Variants in ZNF556 observed in about 807,000 individuals in gnomAD.
ZNF556 encodes zinc finger protein 556.
A neutral mutation model predicts 13.6 loss-of-function variants in ZNF556; 11 were observed. The ratio of observed to expected loss-of-function variants is 0.81; its 90% CI spans 0.51 to 1.33. ZNF556 has a LOEUF of 1.33. Among genes scored for constraint, ZNF556 ranks in the 40% most tolerant of loss-of-function variants. The pLI is 0.00. For missense variants in ZNF556, 633 were observed against 566.2 expected (o/e 1.12, Z -1.20); for synonymous variants, 229 against 207.8 (o/e 1.10, Z -0.88).
chr19:2,874,789 G>C (rs10424456), intron 2 of ZNF556, among the ~76,000 whole-genome samples: 1,547 of 141,572 alleles, frequency 0.011, 29 homozygotes, highest in African/African-American at 0.037. Flanking sequence ...AAAAAGAAAA[G>C]ACTTAGGGTC....
chr19:2,867,470 G>T (rs1435702923), intron 1 of ZNF556, 46 bp downstream of exon 1: 1 of 1,571,386 alleles, frequency 6.4e-7, no homozygotes, highest in Admixed American at 1.9e-5. Context: ...CCCTGGGAGG[G>T]GAGGGTTGGA....
Position 2,879,211 on chromosome 19 carries a change from T to C in ZNF556, c.*882T>C, listed in dbSNP as rs1055243296. 1 of 152,232 alleles carries C rather than the reference T, an allele frequency of 6.6e-6. No individual in the cohort carries two copies. Among genetic ancestry groups the C allele is most frequent in the African/African-American group, 2.4e-5 (1 of 41,464 alleles). The allele number at this position is 152,232 out of a possible 1,614,324, so 9.4% of individuals were successfully genotyped here. ...CTTCTTCATTTTGCTTGTGGACTAA[T>C]AGGTAGTTGGTAGAAATACGTATGC... is the stretch of plus-strand genomic sequence containing the variant. On this transcript the variant is annotated 3_prime_UTR_variant, in exon 4 of 4. Transcript: ENST00000307635.
At position 2,880,209 on chromosome 19, in the gene ZNF556, T is replaced by G. The variant is rs2087894400; in HGVS notation, c.*1880T>G. ...TCCTGTCACATAGAGCTGAATACAA[T>G]CTCTCAGTATGTGTTCAGTTATTAT... On this transcript the variant is annotated 3_prime_UTR_variant, in exon 4 of 4. Transcript: ENST00000307635. 1 of 152,126 alleles carries G rather than the reference T, an allele frequency of 6.6e-6. No homozygotes were observed. The highest frequency in any genetic ancestry group is 1.5e-5 in the Non-Finnish European group (1 of 68,024). 9.4% of individuals were successfully genotyped at this position (152,126 alleles called of 1,614,324 possible). A position where few individuals can be genotyped will look rare whatever the true frequency, so the allele number is the denominator to read the frequency against.
At chr19:2,870,562 C>T (rs2087794074) in intron 1 of ZNF556, among the ~76,000 whole-genome samples, 2 of 151,572 alleles carry the variant, frequency 1.3e-5, no homozygotes, top group Non-Finnish European at 2.9e-5. Context: ...GCCTGGCTAA[C>T]ATGGTGAAAC....
In ZNF556 at chr19:2,877,909, T is replaced by G. The variant is rs1207624578; in HGVS notation, c.951T>G (p.Cys317Trp). The change falls in exon 4 of 4, where the codon TGT (cysteine) becomes TGG (tryptophan). Residue 317 changes from cysteine to tryptophan, a missense_variant. Coordinates refer to ENST00000307635, the MANE Select transcript of ZNF556 (RefSeq NM_024967.3). ...ACAACGGGGAGAAACCCTATAAGTG[T>G]GGAAAATGCGGGAAAGCATTCGGTT... is the stretch of plus-strand genomic sequence containing the variant. ...RIHNGEKPYK[C>W]GKCGKAFGWP... 1 of 1,613,924 alleles carries G rather than the reference T, an allele frequency of 6.2e-7. No homozygotes were observed. Among genetic ancestry groups the G allele is most frequent in the Admixed American group, 1.7e-5 (1 of 59,984 alleles).
chr19:2,874,913 C>CTTTTTTTT (rs1237157520), intron 2 of ZNF556: 3 of 125,186 alleles, frequency 2.4e-5, no homozygotes, highest in African/African-American at 9.4e-5. Context: ...ACTGCTTGTA[C>CTTTTTTTT]TTTTTTTTTT....
In ZNF556 at chr19:2,878,544, C is replaced by T. The variant is rs113962243; in HGVS notation, c.*215C>T. On this transcript the variant is annotated 3_prime_UTR_variant, in exon 4 of 4. Transcript: ENST00000307635. ...ACAAAAAATTAGCCGGGCGTGGTGGCGGGCACCTGTAGTCCCAGCTGCTCA... is the reference window on the plus strand; with the variant it reads ...ACAAAAAATTAGCCGGGCGTGGTGGTGGGCACCTGTAGTCCCAGCTGCTCA... 3.5e-3 allele frequency: 1,391 copies of T among 402,464 alleles called. 12 individuals are homozygous for T. The highest frequency in any genetic ancestry group is 0.026 in the African/African-American group (1,267 of 48,110). 24.9% of individuals were successfully genotyped at this position (402,464 alleles called of 1,614,324 possible). A position where few individuals can be genotyped will look rare whatever the true frequency, so the allele number is the denominator to read the frequency against.
chr19:2,872,110 C>T (rs576545616), intron 1 of ZNF556, among the ~76,000 whole-genome samples: 5 of 152,160 alleles, frequency 3.3e-5, no homozygotes, highest in Non-Finnish European at 4.4e-5. Flanking sequence ...GGACTAGGAG[C>T]GTGACCACTG....
At position 2,873,824 on chromosome 19, in the gene ZNF556, G is replaced by A. The variant is rs540214316; in HGVS notation, c.130+202G>A. ...AATCAAAAATTAGCCCGGTGTGGTA[G>A]CATGCTCCTGTAGTCCTAGCTACTT... On this transcript the variant is annotated intron_variant, in intron 2 of 3. Coordinates refer to ENST00000307635, the MANE Select transcript of ZNF556 (RefSeq NM_024967.3). Among the ~76,000 whole-genome samples, 44 of 151,622 alleles carry A rather than the reference G, an allele frequency of 2.9e-4. No homozygotes were observed. The South Asian group carries it at 9.0e-3, about 31-fold the overall frequency.
chr19:2,874,758 A>AAAAG (rs572407996), intron 2 of ZNF556, among the ~76,000 whole-genome samples: 31,013 of 129,580 alleles, frequency 0.24, 5,606 homozygotes, highest in East Asian at 0.78. Context: ...AAAAAAAAAA[A>AAAAG]AAAGAAAGAA....
rs2087883872 is a variant in ZNF556, at chr19:2,878,864, G to A, written c.*535G>A. ...TAGTACTGAAATTTTGATACATAATGGTTTTTTCTTATAAATTACTAATGT... is the reference window on the plus strand; with the variant it reads ...TAGTACTGAAATTTTGATACATAATAGTTTTTTCTTATAAATTACTAATGT... On this transcript the variant is annotated 3_prime_UTR_variant, in exon 4 of 4. Transcript: ENST00000307635. 1 of 152,416 alleles carries A rather than the reference G, an allele frequency of 6.6e-6. No individual in the cohort carries two copies. The highest frequency in any genetic ancestry group is 2.1e-4 in the South Asian group (1 of 4,840). The allele number at this position is 152,416 out of a possible 1,614,324, so 9.4% of individuals were successfully genotyped here.
chr19:2,872,259 G>T (rs1388749729), intron 1 of ZNF556, among the ~76,000 whole-genome samples: 2 of 152,046 alleles, frequency 1.3e-5, no homozygotes, highest in African/African-American at 2.4e-5. Flanking sequence ...CCCTTTCCTG[G>T]TCTGCTAAGT....
In ZNF556 at chr19:2,882,531, A is replaced by AGAGTGTGTGTGT. The variant is rs1555726895; in HGVS notation, c.*4203_*4204insAGTGTGTGTGTG. 1 of 127,722 alleles carries AGAGTGTGTGTGT rather than the reference A, an allele frequency of 7.8e-6. No individual in the cohort carries two copies. Among genetic ancestry groups the AGAGTGTGTGTGT allele is most frequent in the East Asian group, 2.6e-4 (1 of 3,890 alleles). The allele number at this position is 127,722 out of a possible 1,614,324, so 7.9% of individuals were successfully genotyped here. A position where few individuals can be genotyped will look rare whatever the true frequency, so the allele number is the denominator to read the frequency against. ...ATACATTTTATATATATATATATAT[A>AGAGTGTGTGTGT]GTGTGTGTGTGTGTGTGTGTGTGTG... is the stretch of plus-strand genomic sequence containing the variant. On this transcript the variant is annotated 3_prime_UTR_variant, in exon 4 of 4. Transcript: ENST00000307635.
intron 1 of ZNF556, among the ~76,000 whole-genome samples, chr19:2,871,000 T>A (rs1444140423): frequency 1.3e-5 from 2 of 151,080 alleles, no homozygotes; most frequent in African/African-American, 4.9e-5. Flanking sequence ...GATCGCACCA[T>A]TGCACTCCAG....
chr19:2,873,441 C>G lies in ZNF556; in HGVS notation c.4-55C>G, dbSNP rs9304900. 12 of 1,599,348 alleles carry G rather than the reference C, an allele frequency of 7.5e-6. No homozygotes were observed. The South Asian group carries it at 1.3e-4, about 18-fold the overall frequency. ...GTGTCCTATGAACTGAGTTCAGTTC[C>G]GCAGTGCTGTGAGTTTTACCCCATC... On this transcript the variant is annotated intron_variant, in intron 1 of 3. Transcript: ENST00000307635.
chr19:2,868,493 A>G (rs928444440), intron 1 of ZNF556, among the ~76,000 whole-genome samples: 1 of 151,526 alleles, frequency 6.6e-6, no homozygotes, highest in African/African-American at 2.4e-5. Flanking sequence ...GCTCACTGCA[A>G]CCTCCGCCTC....
In ZNF556 at chr19:2,880,214, C is replaced by T. The variant is rs1451938451; in HGVS notation, c.*1885C>T. ...TCACATAGAGCTGAATACAATCTCT[C>T]AGTATGTGTTCAGTTATTATGTTTG... On this transcript the variant is annotated 3_prime_UTR_variant, in exon 4 of 4. Transcript: ENST00000307635. 1 of 151,994 alleles carries T rather than the reference C, an allele frequency of 6.6e-6. No individual in the cohort carries two copies. Among genetic ancestry groups the T allele is most frequent in the Non-Finnish European group, 1.5e-5 (1 of 68,022 alleles). The allele number at this position is 151,994 out of a possible 1,614,324, so 9.4% of individuals were successfully genotyped here. A position where few individuals can be genotyped will look rare whatever the true frequency, so the allele number is the denominator to read the frequency against.
intron 2 of ZNF556, 134 bp from the exon 3 acceptor site, chr19:2,875,959 G>T (rs370760240): frequency 1.1e-5 from 9 of 800,016 alleles, no homozygotes; most frequent in Non-Finnish European, 1.6e-5. Flanking sequence ...GTGAGACTCC[G>T]TCTCAAAAAT....
Position 2,879,412 on chromosome 19 carries a change from C to G in ZNF556, c.*1083C>G, listed in dbSNP as rs749039776. The G allele has an allele frequency of 6.6e-6, 1 of 152,162 alleles. No individual in the cohort carries two copies. The highest frequency in any genetic ancestry group is 1.5e-5 in the Non-Finnish European group (1 of 68,094). The allele number at this position is 152,162 out of a possible 1,614,324, so 9.4% of individuals were successfully genotyped here. A position where few individuals can be genotyped will look rare whatever the true frequency, so the allele number is the denominator to read the frequency against. On this transcript the variant is annotated 3_prime_UTR_variant, in exon 4 of 4. Coordinates refer to ENST00000307635, the MANE Select transcript of ZNF556 (RefSeq NM_024967.3). ...TTGCCCAAGCTGGAGTGCAACGGCA[C>G]GATCTCGGCTCACTGCAACTTCCGC...
Sources: gnomAD v4.1 joint callset for allele counts (sites outside exome capture counted in the v4.1 genomes callset) on GRCh38, gnomAD v4.1.1 for gene constraint, MANE v1.5 for transcripts, NCBI Gene and HGNC (gene_info 2026-07-23, HGNC 2026-07-21) for gene names.